Variants in ZC3HAV1 observed in about 807,000 individuals in gnomAD.
The protein encoded by ZC3HAV1 is zinc finger CCCH-type containing, antiviral 1.
A neutral mutation model predicts 86.6 loss-of-function variants in ZC3HAV1; 41 were observed. That is an observed-to-expected ratio of 0.47 (90% CI 0.37 to 0.61). The LOEUF (loss-of-function observed/expected upper bound fraction) is 0.61. ZC3HAV1 is among the 20% of genes least tolerant of loss of function. ZC3HAV1 has a pLI of 0.00. For synonymous variants in ZC3HAV1, 421 were observed against 432.1 expected, an observed-to-expected ratio of 0.97 and a Z score of 0.32; for missense variants, 964 against 1,141.1, an observed-to-expected ratio of 0.84 and a Z score of 2.24.
rs141004321 is a variant in ZC3HAV1 at position 139,061,308 on chromosome 7, T to A, written c.1994-170A>T. 2.6e-5 allele frequency among the ~76,000 whole-genome samples: 4 copies of A among 152,332 alleles called. No homozygotes were observed. In the East Asian group the frequency reaches 7.7e-4, roughly 29 times the overall value. On this transcript the variant is annotated intron_variant, in intron 8 of 12. Coordinates refer to ENST00000242351, the MANE Select transcript of ZC3HAV1 (RefSeq NM_020119.4). ...AGAATTGCTCACAGTAAAAGACTTG[T>A]ATCCTTCACTGCCATTAGTAGAAGG...
At position 139,079,786 on chromosome 7, in the gene ZC3HAV1, G is replaced by A. The variant is rs2130705794; in HGVS notation, c.1155C>T (p.Arg385=). 6.2e-7 allele frequency: 1 copy of A among 1,614,200 alleles called. No individual in the cohort carries two copies. The highest frequency in any genetic ancestry group is 1.6e-4 in the Middle Eastern group (1 of 6,062). Residue 385 remains arginine, a synonymous_variant, in exon 4 of 13, where the codon CGC becomes CGT. Transcript: ENST00000242351. ...TVFSPTLPAA[R]SSLGSLQTPE... ...GTGTTTGCAGAGAGCCAAGAGAAGA[G>A]CGGGCGGCAGGTAGCGTGGGAGAAA...
At chr7:139,053,099 T>C (rs551025820) in intron 12 of ZC3HAV1, among the ~76,000 whole-genome samples, 24 of 152,240 alleles carry the variant, frequency 1.6e-4, no homozygotes, top group Middle Eastern at 3.4e-3. Flanking sequence ...TGAAGCCTCA[T>C]ATAGCTTCGC....
intron 1 of ZC3HAV1, among the ~76,000 whole-genome samples, chr7:139,094,450 G>A (rs977479409): frequency 1.4e-5 from 2 of 143,924 alleles, no homozygotes; most frequent in Non-Finnish European, 3.0e-5. Context: ...ACTTGGAGCA[G>A]ATAAACCTCA....
At chr7:139,052,765 T>C (rs1584835861) in intron 12 of ZC3HAV1, among the ~76,000 whole-genome samples, 1 of 149,820 alleles carries the variant, frequency 6.7e-6, no homozygotes, top group Non-Finnish European at 1.5e-5. Context: ...CTATAAAAAA[T>C]ACAACAAAAA....
chr7:139,074,832 T>C (rs1278651644), intron 6 of ZC3HAV1, among the ~76,000 whole-genome samples: 2 of 152,130 alleles, frequency 1.3e-5, no homozygotes, highest in African/African-American at 4.8e-5. Context: ...AAATATATAA[T>C]TGTTCTCAGT....
chr7:139,086,612 A>G (rs1817279948), intron 2 of ZC3HAV1, among the ~76,000 whole-genome samples: 1 of 152,094 alleles, frequency 6.6e-6, no homozygotes, highest in Non-Finnish European at 1.5e-5. Context: ...CTCCCTAGAA[A>G]AGGGAAGTGA....
chr7:139,084,175 G>A, intron 2 of ZC3HAV1, 143 bp from the exon 3 acceptor site: 1 of 1,156,084 alleles, frequency 8.6e-7, no homozygotes, highest in Non-Finnish European at 1.2e-6. Context: ...ATATTCTGCA[G>A]TCTTTGATGA....
intron 8 of ZC3HAV1, among the ~76,000 whole-genome samples, chr7:139,062,126 C>T (rs577588660): frequency 1.3e-5 from 2 of 152,082 alleles, no homozygotes; most frequent in Non-Finnish European, 2.9e-5. Flanking sequence ...AGGAAACTTT[C>T]GGGATTGATG....
In ZC3HAV1 at chr7:139,071,192, G is replaced by A. The variant is rs139639981; in HGVS notation, c.1872+2664C>T. Among the ~76,000 whole-genome samples the A allele has an allele frequency of 7.2e-3, 1,095 of 151,114 alleles. 5 individuals carry two copies. Among genetic ancestry groups the A allele is most frequent in the Non-Finnish European group, 9.7e-3 (661 of 67,878 alleles). ...GGTCACTGCAACCCCTACCTCCTTG[G>A]TTCAAGCAATTTTCCTGCCTCAGCC... On this transcript the variant is annotated intron_variant, in intron 7 of 12. Transcript: ENST00000242351.
chr7:139,088,031 C>CAAAAAAAAAAAAAAAAAAAAAA, intron 2 of ZC3HAV1, among the ~76,000 whole-genome samples: 1 of 57,872 alleles, frequency 1.7e-5, no homozygotes, highest in Non-Finnish European at 3.4e-5. Flanking sequence ...GATCCTGTCT[C>CAAAAAAAAAAAAAAAAAAAAAA]AAAAAAAAAA....
intron 1 of ZC3HAV1, among the ~76,000 whole-genome samples, chr7:139,104,474 G>C (rs748428764): frequency 6.6e-6 from 1 of 151,840 alleles, no homozygotes; most frequent in African/African-American, 2.4e-5. Context: ...AGCACTTTGG[G>C]AGGCTGAGGT....
At chr7:139,050,008 T>A in intron 12 of ZC3HAV1, 1 of 164,416 alleles carries the variant, frequency 6.1e-6, no homozygotes. Flanking sequence ...GTGAACCATT[T>A]TCACAGATCA....
At chr7:139,069,676 G>A (rs1163428331) in intron 7 of ZC3HAV1, among the ~76,000 whole-genome samples, 1 of 152,120 alleles carries the variant, frequency 6.6e-6, no homozygotes, top group Non-Finnish European at 1.5e-5. Context: ...GTAGGTATGA[G>A]TCCTGGTTAA....
chr7:139,097,428 A>ATATATATAT, intron 1 of ZC3HAV1, among the ~76,000 whole-genome samples: 4 of 48,160 alleles, frequency 8.3e-5, no homozygotes, highest in African/African-American at 3.4e-4. Flanking sequence ...ATATATATAT[A>ATATATATAT]TTTTTTTTTT....
chr7:139,097,418 A>T (rs371277715), intron 1 of ZC3HAV1, among the ~76,000 whole-genome samples: 5,614 of 78,044 alleles, frequency 0.072, 472 homozygotes, highest in Non-Finnish European at 0.092. Flanking sequence ...ATATATATAT[A>T]TATATATATA....
chr7:139,074,108 G>T, intron 6 of ZC3HAV1, 78 bp from the exon 7 acceptor site: 1 of 1,391,916 alleles, frequency 7.2e-7, no homozygotes, highest in Non-Finnish European at 9.8e-7. Flanking sequence ...CCTAATGAGA[G>T]CACAGAATTA....
In ZC3HAV1 at chr7:139,045,516, A is replaced by G. The variant is rs771681505; in HGVS notation, c.*2078T>C. The G allele has an allele frequency of 2.6e-5, 4 of 152,244 alleles. No homozygotes were observed. Among genetic ancestry groups the G allele is most frequent in the Non-Finnish European group, 5.9e-5 (4 of 68,042 alleles). The allele number at this position is 152,244 out of a possible 1,614,324, so 9.4% of individuals were successfully genotyped here. On this transcript the variant is annotated 3_prime_UTR_variant, in exon 13 of 13. Transcript: ENST00000242351. ...AGGGAACAGAGATATTTAAGAGGTA[A>G]AACTAGACTTAGAAACTGCTTAGAT...
At chr7:139,047,910 A>C in intron 12 of ZC3HAV1, 57 bp from the exon 13 acceptor site, 1 of 1,553,148 alleles carries the variant, frequency 6.4e-7, no homozygotes, top group South Asian at 1.2e-5. Context: ...TATACAGTTT[A>C]TAAGATTTGT....
At chr7:139,068,068 T>C (rs1816660576) in intron 7 of ZC3HAV1, among the ~76,000 whole-genome samples, 1 of 138,174 alleles carries the variant, frequency 7.2e-6, no homozygotes, top group African/African-American at 2.8e-5. Context: ...TTATTATTAT[T>C]ATTTTGAGAC....
Sources: gnomAD v4.1 joint callset for allele counts (sites outside exome capture counted in the v4.1 genomes callset) on GRCh38, gnomAD v4.1.1 for gene constraint, MANE v1.5 for transcripts, NCBI Gene and HGNC (gene_info 2026-07-23, HGNC 2026-07-21) for gene names.